The following SLC16A10 variants were observed in gnomAD, a reference collection of about 807,000 sequenced individuals.
SLC16A10 encodes the protein monocarboxylate transporter 10.
A neutral mutation model predicts 40.0 loss-of-function variants in SLC16A10; 27 were observed. The ratio of observed to expected loss-of-function variants is 0.67; its 90% CI spans 0.50 to 0.93. SLC16A10 has a LOEUF of 0.93. Among genes scored for constraint, SLC16A10 ranks in the 40% least tolerant of loss-of-function variants. SLC16A10 has a pLI of 0.00. For missense variants in SLC16A10, 529 were observed against 658.2 expected, an observed-to-expected ratio of 0.80 and a Z score of 2.15; for synonymous variants, 213 against 249.8, an observed-to-expected ratio of 0.85 and a Z score of 1.39.
intron 1 of SLC16A10, among the ~76,000 whole-genome samples, chr6:111,166,487 A>G (rs193281): frequency 0.84 from 127,717 of 152,054 alleles, 53,787 homozygotes; most frequent in African/African-American, 0.86. Context: ...ATTTGCATAC[A>G]TTTATTTTAC....
chr6:111,177,421 C>G lies in SLC16A10; in HGVS notation c.698C>G (p.Thr233Arg). 1 of 1,614,122 alleles carries G rather than the reference C, an allele frequency of 6.2e-7. No homozygotes were observed. The highest frequency in any genetic ancestry group is 8.5e-7 in the Non-Finnish European group (1 of 1,180,018). The part of the protein sequence containing the change: ...VLIDSVGLFY[T>R]LRVLCIFMFV... ...ATTGACAGCGTGGGCCTCTTTTACACATTGAGGGTGCTCTGCATCTTCATG... is the reference window on the plus strand; with the variant it reads ...ATTGACAGCGTGGGCCTCTTTTACAGATTGAGGGTGCTCTGCATCTTCATG... The change falls in exon 3 of 6, where the codon ACA becomes AGA. Residue 233 changes from threonine (T) to arginine (R), a missense_variant. Thr to Arg is a moderately conservative substitution (Grantham distance 71, BLOSUM62 -1). Coordinates refer to ENST00000368851, the MANE Select transcript of SLC16A10 (RefSeq NM_018593.5).
At chr6:111,137,918 A>G (rs1203576972) in intron 1 of SLC16A10, among the ~76,000 whole-genome samples, 1 of 152,266 alleles carries the variant, frequency 6.6e-6, no homozygotes, top group Non-Finnish European at 1.5e-5. Context: ...CAGGAAGTAA[A>G]GAAATAGCCA....
intron 1 of SLC16A10, among the ~76,000 whole-genome samples, chr6:111,168,782 T>G (rs1454244335): frequency 1.3e-5 from 2 of 152,286 alleles, no homozygotes; most frequent in East Asian, 1.9e-4. Flanking sequence ...GTGAGATATT[T>G]TATGTGGCTT....
intron 1 of SLC16A10, chr6:111,091,370 T>C (rs1385665186): frequency 6.6e-6 from 1 of 152,204 alleles, no homozygotes. Context: ...TTGCATTGAC[T>C]AGATAACATT....
chr6:111,151,290 C>G (rs1269950403), intron 1 of SLC16A10, among the ~76,000 whole-genome samples: 1 of 152,270 alleles, frequency 6.6e-6, no homozygotes, highest in African/African-American at 2.4e-5. Context: ...ATCACCTCTC[C>G]TTTCCCCATT....
chr6:111,166,585 A>G (rs1308143770), intron 1 of SLC16A10, among the ~76,000 whole-genome samples: 1 of 152,256 alleles, frequency 6.6e-6, no homozygotes, highest in Non-Finnish European at 1.5e-5. Flanking sequence ...TGCAGGTTGG[A>G]GCTACCAAAG....
intron 1 of SLC16A10, among the ~76,000 whole-genome samples, chr6:111,099,410 T>C (rs1771132596): frequency 6.6e-6 from 1 of 152,130 alleles, no homozygotes; most frequent in South Asian, 2.1e-4. Flanking sequence ...TGACCTGGGC[T>C]CAAGCGATTT....
intron 1 of SLC16A10, among the ~76,000 whole-genome samples, chr6:111,105,923 C>T (rs531847672): frequency 3.3e-5 from 5 of 152,216 alleles, no homozygotes; most frequent in East Asian, 3.9e-4. Context: ...AGATATCTGC[C>T]GTTTTTTGTA....
intron 1 of SLC16A10, among the ~76,000 whole-genome samples, chr6:111,166,316 C>T (rs1048252904): frequency 3.3e-5 from 4 of 120,782 alleles, no homozygotes; most frequent in Non-Finnish European, 6.0e-5. Context: ...TTAAGCCAAG[C>T]AGTTTAAGGT....
chr6:111,128,816 A>G (rs1771728008), intron 1 of SLC16A10, among the ~76,000 whole-genome samples: 1 of 151,956 alleles, frequency 6.6e-6, no homozygotes, highest in Non-Finnish European at 1.5e-5. Context: ...AAAAATCTTT[A>G]CCCCAACAAA....
chr6:111,153,525 C>A (rs1016462246), intron 1 of SLC16A10, among the ~76,000 whole-genome samples: 6 of 137,112 alleles, frequency 4.4e-5, no homozygotes, highest in East Asian at 2.3e-4. Context: ...CAGAGCGAGA[C>A]CCTGTCTCAA....
intron 5 of SLC16A10, among the ~76,000 whole-genome samples, chr6:111,219,520 TAAA>T (rs1354651742): frequency 2.1e-5 from 3 of 143,820 alleles, no homozygotes; most frequent in East Asian, 4.0e-4. Context: ...ACCCTATCTT[TAAA>T]AAAAAAAAAA....
chr6:111,177,740 C>T (rs1204229396), intron 3 of SLC16A10, 75 bp downstream of exon 3: 10 of 1,359,836 alleles, frequency 7.4e-6, no homozygotes, highest in African/African-American at 1.4e-5. Flanking sequence ...AAAGTTAGGT[C>T]GAGTTAAAGT....
intron 3 of SLC16A10, among the ~76,000 whole-genome samples, chr6:111,198,599 GTA>G (rs1773117569): frequency 6.6e-6 from 1 of 152,198 alleles, no homozygotes; most frequent in Non-Finnish European, 1.5e-5. Context: ...GTAGGCAGTT[GTA>G]ACACATGGTA....
At chr6:111,218,446 G>A (rs901034678) in intron 4 of SLC16A10, among the ~76,000 whole-genome samples, 3 of 152,106 alleles carry the variant, frequency 2.0e-5, no homozygotes, top group African/African-American at 4.8e-5. Flanking sequence ...GGACTTTGTG[G>A]TGCTTGCCTG....
chr6:111,109,682 C>A (rs1038268505), intron 1 of SLC16A10, among the ~76,000 whole-genome samples: 7 of 152,054 alleles, frequency 4.6e-5, no homozygotes, highest in Admixed American at 1.3e-4. Context: ...AAACTCCTGG[C>A]CTCAAGCAAT....
At chr6:111,123,979 A>T (rs1771627331) in intron 1 of SLC16A10, among the ~76,000 whole-genome samples, 1 of 152,208 alleles carries the variant, frequency 6.6e-6, no homozygotes, top group African/African-American at 2.4e-5. Flanking sequence ...CAGAAAAGTC[A>T]GCCAGTCAGA....
intron 1 of SLC16A10, among the ~76,000 whole-genome samples, chr6:111,112,097 A>G (rs1771397950): frequency 6.6e-6 from 1 of 152,068 alleles, no homozygotes; most frequent in Non-Finnish European, 1.5e-5. Flanking sequence ...TGGCATGATC[A>G]TGGCTCACTA....
intron 3 of SLC16A10, among the ~76,000 whole-genome samples, chr6:111,191,465 T>C (rs905002974): frequency 2.0e-5 from 3 of 152,236 alleles, no homozygotes; most frequent in African/African-American, 4.8e-5. Context: ...TTGTGAATAG[T>C]GCTGCAATAA....
Sources: allele counts gnomAD v4.1 joint callset (sites outside exome capture counted in the v4.1 genomes callset), GRCh38; gene constraint gnomAD v4.1.1; transcripts MANE v1.5; gene names NCBI Gene and HGNC (gene_info 2026-07-23, HGNC 2026-07-21).